The following SLC35F3 variants were observed in gnomAD, a reference collection of about 807,000 sequenced individuals.
SLC35F3 encodes putative thiamine transporter SLC35F3.
A neutral mutation model predicts 49.9 loss-of-function variants in SLC35F3; 25 were observed. That is an observed-to-expected ratio of 0.50 (90% CI 0.37 to 0.70). SLC35F3 has a LOEUF of 0.70. SLC35F3 is among the 30% of genes least tolerant of loss of function. The pLI is 0.00. For missense variants in SLC35F3, 525 were observed against 639.8 expected, an observed-to-expected ratio of 0.82 and a Z score of 1.94; for synonymous variants, 275 against 265.4, an observed-to-expected ratio of 1.04 and a Z score of -0.35.
At chr1:234,083,684 CAT>C (rs1664916059) in intron 2 of SLC35F3, among the ~76,000 whole-genome samples, 2 of 152,270 alleles carry the variant, frequency 1.3e-5, no homozygotes, top group African/African-American at 4.8e-5. Context: ...ATGTCTCACT[CAT>C]GTAGATTTTG....
At chr1:234,005,965 T>G (rs1663624890) in intron 2 of SLC35F3, among the ~76,000 whole-genome samples, 2 of 152,206 alleles carry the variant, frequency 1.3e-5, no homozygotes, top group Admixed American at 1.3e-4. Flanking sequence ...CTCTGGGAGA[T>G]GAGCACATTG....
chr1:234,299,163 C>T (rs1668651586), intron 3 of SLC35F3, among the ~76,000 whole-genome samples: 1 of 152,128 alleles, frequency 6.6e-6, no homozygotes, highest in East Asian at 1.9e-4. Flanking sequence ...TGTGCTGTTA[C>T]CCCTCAAGGC....
intron 3 of SLC35F3, among the ~76,000 whole-genome samples, chr1:234,239,731 T>C (rs1470555408): frequency 6.6e-6 from 1 of 152,238 alleles, no homozygotes; most frequent in African/African-American, 2.4e-5. Context: ...GGAGTGCTAC[T>C]AGCCCATGCT....
At chr1:233,989,421 G>A (rs201432714) in intron 2 of SLC35F3, among the ~76,000 whole-genome samples, 12 of 152,122 alleles carry the variant, frequency 7.9e-5, no homozygotes, top group Admixed American at 1.3e-4. Context: ...TTTGCAAAAA[G>A]TCAAGCAATA....
At chr1:234,243,421 C>T (rs1016174135) in intron 3 of SLC35F3, among the ~76,000 whole-genome samples, 9 of 152,122 alleles carry the variant, frequency 5.9e-5, no homozygotes, top group African/African-American at 2.2e-4. Context: ...TATTAGATAA[C>T]CGACTGTTAT....
intron 3 of SLC35F3, among the ~76,000 whole-genome samples, chr1:234,262,077 A>G (rs925473817): frequency 2.6e-5 from 4 of 152,224 alleles, no homozygotes; most frequent in African/African-American, 4.8e-5. Flanking sequence ...AGCACTTACA[A>G]TGTGCCATGC....
chr1:234,177,849 A>G (rs1666498930), intron 2 of SLC35F3, among the ~76,000 whole-genome samples: 1 of 152,168 alleles, frequency 6.6e-6, no homozygotes, highest in Admixed American at 6.5e-5. Context: ...AAACAATTTG[A>G]TCTTAGATAG....
At chr1:233,935,450 C>T (rs34971521) in intron 2 of SLC35F3, among the ~76,000 whole-genome samples, 59,375 of 151,840 alleles carry the variant, frequency 0.39, 11,900 homozygotes, top group Admixed American at 0.52. Flanking sequence ...GGAGGCAGGG[C>T]ACTTCCTATA....
At chr1:234,162,441 A>T (rs1040496356) in intron 2 of SLC35F3, among the ~76,000 whole-genome samples, 1 of 149,108 alleles carries the variant, frequency 6.7e-6, no homozygotes, top group Non-Finnish European at 1.5e-5. Context: ...GAGAGGGATT[A>T]TAAGTGGAAC....
At chr1:234,245,621 G>A (rs1292357038) in intron 3 of SLC35F3, among the ~76,000 whole-genome samples, 1 of 98,500 alleles carries the variant, frequency 1.0e-5, no homozygotes, top group East Asian at 2.4e-3. Flanking sequence ...CTTTTCCCCT[G>A]CTCCATGATG....
chr1:234,006,343 C>G (rs1053547499), intron 2 of SLC35F3, among the ~76,000 whole-genome samples: 3 of 152,114 alleles, frequency 2.0e-5, no homozygotes, highest in Admixed American at 6.5e-5. Context: ...TTCTGAAAAA[C>G]CCAAGAGATA....
intron 2 of SLC35F3, among the ~76,000 whole-genome samples, chr1:233,951,693 A>G (rs1662610230): frequency 6.6e-6 from 1 of 151,612 alleles, no homozygotes; most frequent in African/African-American, 2.4e-5. Context: ...TAACCTTTCC[A>G]CATGTAGATG....
At chr1:234,101,397 G>A (rs1665211045) in intron 2 of SLC35F3, among the ~76,000 whole-genome samples, 1 of 152,122 alleles carries the variant, frequency 6.6e-6, no homozygotes, top group South Asian at 2.1e-4. Flanking sequence ...GAAGAAGGTG[G>A]AGATAGTAAC....
chr1:233,949,610 C>T (rs1370988781), intron 2 of SLC35F3, among the ~76,000 whole-genome samples: 1 of 152,156 alleles, frequency 6.6e-6, no homozygotes, highest in Non-Finnish European at 1.5e-5. Context: ...ATGCTGTTTA[C>T]AGAGCACTTG....
chr1:234,117,232 C>G (rs910515138), intron 2 of SLC35F3, among the ~76,000 whole-genome samples: 1 of 152,162 alleles, frequency 6.6e-6, no homozygotes, highest in Non-Finnish European at 1.5e-5. Context: ...GCTCTGAGTG[C>G]TATATTCAGA....
At chr1:234,108,346 A>G (rs1472080526) in intron 2 of SLC35F3, among the ~76,000 whole-genome samples, 3 of 116,022 alleles carry the variant, frequency 2.6e-5, no homozygotes, top group Non-Finnish European at 4.9e-5. Flanking sequence ...TATATAAAAG[A>G]TATATATTTA....
intron 3 of SLC35F3, among the ~76,000 whole-genome samples, chr1:234,257,784 C>T (rs1054578678): frequency 4.6e-5 from 7 of 152,188 alleles, no homozygotes; most frequent in East Asian, 3.9e-4. Context: ...AGTGGATGGC[C>T]GTATTGAGAT....
intron 2 of SLC35F3, among the ~76,000 whole-genome samples, chr1:234,020,468 C>CT (rs1401849424): frequency 6.6e-6 from 1 of 152,012 alleles, no homozygotes; most frequent in East Asian, 1.9e-4. Context: ...AACACACTAC[C>CT]TTTTATTTCT....
chr1:233,943,053 A>G (rs1474974832), intron 2 of SLC35F3, among the ~76,000 whole-genome samples: 1 of 152,222 alleles, frequency 6.6e-6, no homozygotes, highest in Non-Finnish European at 1.5e-5. Flanking sequence ...CTCAATACCC[A>G]AGATATGAAA....
Sources: allele counts gnomAD v4.1 joint callset (sites outside exome capture counted in the v4.1 genomes callset), GRCh38; gene constraint gnomAD v4.1.1; transcripts MANE v1.5; gene names NCBI Gene and HGNC (gene_info 2026-07-23, HGNC 2026-07-21).